NLRP1: variants seen among roughly 807,000 people sequenced by gnomAD.
NLRP1 encodes NACHT, LRR and PYD domains-containing protein 1.
In NLRP1, 94 loss-of-function variants were observed where a neutral mutation model predicts 136.7. The observed-to-expected ratio is 0.69, with a 90% CI of 0.58 to 0.82. The LOEUF (loss-of-function observed/expected upper bound fraction) is 0.82, where lower values mean the gene tolerates loss of function less well. Ranked by LOEUF, NLRP1 falls within the 40% of genes least tolerant of loss-of-function variation. The probability of loss-of-function intolerance (pLI) is 0.00; values close to 1 mark genes in which losing one functional copy is unlikely to be tolerated. For missense variants in NLRP1, 1,575 were observed against 1,802.7 expected, an observed-to-expected ratio of 0.87 and a Z score of 2.29; for synonymous variants, 690 against 725.1, an observed-to-expected ratio of 0.95 and a Z score of 0.78.
At chr17:5,522,818 G>A (rs571758799) in intron 12 of NLRP1, among the ~76,000 whole-genome samples, 1 of 152,296 alleles carries the variant, frequency 6.6e-6, no homozygotes, top group South Asian at 2.1e-4. Flanking sequence ...GAGTGATGCT[G>A]GAAGGTTTGA....
At position 5,532,783 on chromosome 17, in the gene NLRP1, G is replaced by A. The variant is rs201182584; in HGVS notation, c.3296+39C>T. The A allele has an allele frequency of 2.2e-3, 3,464 of 1,541,500 alleles. 11 individuals are homozygous for A. Among genetic ancestry groups the A allele is most frequent in the Non-Finnish European group, 2.8e-3 (3,221 of 1,145,328 alleles). ...GGACCCAGGATGGGCAGTGGGGTGC[G>A]GGAGGCCAGCCTGGGACCAGCAGAG... On this transcript the variant is annotated intron_variant, in intron 11 of 16. Transcript: ENST00000572272.
In NLRP1 at chr17:5,559,421, C is replaced by T. The variant is rs140451444; in HGVS notation, c.1275G>A (p.Glu425=). 1 of 1,614,150 alleles carries T rather than the reference C, an allele frequency of 6.2e-7. No homozygotes were observed. Among genetic ancestry groups the T allele is most frequent in the East Asian group, 2.2e-5 (1 of 44,886 alleles). ...GTGGCTGGCTCCAGTGCAGACAGAG[C>T]TCAGAACTCGGCTCCTGCAAGACCC... ...PGWVLQEPSS[E]LCLHWSQPQP... Residue 425 remains glutamate (E), a synonymous_variant, in exon 4 of 17, where the codon GAG becomes GAA. Transcript: ENST00000572272.
intron 3 of NLRP1, among the ~76,000 whole-genome samples, chr17:5,563,061 A>G (rs1370139569): frequency 6.6e-6 from 1 of 152,164 alleles, no homozygotes; most frequent in Non-Finnish European, 1.5e-5. Flanking sequence ...AACCCACCTT[A>G]TACGACAATC....
At chr17:5,528,386 G>T (rs1477298133) in intron 12 of NLRP1, among the ~76,000 whole-genome samples, 1 of 152,182 alleles carries the variant, frequency 6.6e-6, no homozygotes, top group African/African-American at 2.4e-5. Context: ...TTCCAGAGCT[G>T]TCTTGCACCT....
In NLRP1 at chr17:5,574,731, G is replaced by A. The variant is rs11655022; in HGVS notation, c.652+7128C>T. On this transcript the variant is annotated intron_variant, in intron 3 of 16. Coordinates refer to ENST00000572272, the MANE Select transcript of NLRP1 (RefSeq NM_033004.4). ...GGCTGGAGTGCAGTGGCATAACCTC[G>A]GCTCACTGCAAGCTCCGCCTCCCAG... is the stretch of plus-strand genomic sequence containing the variant. Among the ~76,000 whole-genome samples the A allele has an allele frequency of 9.9e-3, 1,464 of 148,110 alleles. 9 individuals carry two copies. Among genetic ancestry groups the A allele is most frequent in the Non-Finnish European group, 0.015 (979 of 67,448 alleles).
chr17:5,535,648 G>A (rs947185281), intron 8 of NLRP1, among the ~76,000 whole-genome samples: 1 of 152,228 alleles, frequency 6.6e-6, no homozygotes. Flanking sequence ...GTTCACTGCT[G>A]TGTCCTTAGA....
intron 8 of NLRP1, among the ~76,000 whole-genome samples, chr17:5,536,455 T>TC (rs1478686879): frequency 2.8e-5 from 4 of 142,744 alleles, no homozygotes; most frequent in African/African-American, 1.1e-4. Flanking sequence ...CTTTTTTTTT[T>TC]TTTTTTTTTT....
intron 3 of NLRP1, among the ~76,000 whole-genome samples, chr17:5,561,799 G>T (rs1914788901): frequency 6.6e-6 from 1 of 152,162 alleles, no homozygotes; most frequent in Admixed American, 6.5e-5. Flanking sequence ...TTTTGTTCAG[G>T]TTCCCCACTT....
intron 3 of NLRP1, among the ~76,000 whole-genome samples, chr17:5,575,982 C>T (rs541864353): frequency 5.2e-4 from 79 of 152,266 alleles, no homozygotes; most frequent in Middle Eastern, 3.4e-3. Context: ...CACTCAAAAC[C>T]GCTCAACTAC....
At chr17:5,531,663 C>T (rs920216864) in intron 11 of NLRP1, among the ~76,000 whole-genome samples, 6 of 152,096 alleles carry the variant, frequency 3.9e-5, no homozygotes, top group East Asian at 1.9e-4. Flanking sequence ...CTGGGAGTGA[C>T]GCTGTCTCCT....
rs1289681813 is a variant in NLRP1, at chr17:5,517,841, G to A, written c.3962C>T (p.Ser1321Leu). The A allele has an allele frequency of 6.2e-7, 1 of 1,614,112 alleles. No homozygotes were observed. Among genetic ancestry groups the A allele is most frequent in the Admixed American group, 1.7e-5 (1 of 60,020 alleles). Residue 1321 changes from serine (S) to leucine (L), a missense_variant, in exon 15 of 17, where the codon TCG (serine) becomes TTG (leucine). By Grantham distance (145) the Ser-to-Leu change is moderately radical. Transcript: ENST00000572272. ...YRSPGEDQLF[S>L]EFYVGHLGSG... ...TCCCAAGTGGCCAACGTAGAACTCC[G>A]AGAACAGCTGGTCTTCTCCAGGGCT...
intron 12 of NLRP1, among the ~76,000 whole-genome samples, chr17:5,522,362 C>T (rs1327516225): frequency 1.3e-5 from 2 of 152,174 alleles, no homozygotes; most frequent in African/African-American, 4.8e-5. Flanking sequence ...GGATTAGTGC[C>T]CTTACAAAAG....
chr17:5,510,070 C>CTTTTTT (rs749349135), downstream of NLRP1, among the ~76,000 whole-genome samples: 2 of 148,522 alleles, frequency 1.3e-5, no homozygotes, highest in Non-Finnish European at 1.5e-5. Context: ...TATTCTTCTT[C>CTTTTTT]TTCTTTTTTT....
chr17:5,550,194 G>A (rs1913163065), intron 5 of NLRP1, among the ~76,000 whole-genome samples: 1 of 151,928 alleles, frequency 6.6e-6, no homozygotes, highest in South Asian at 2.1e-4. Context: ...TTTGGTATCA[G>A]GGTAATATTG....
chr17:5,566,428 A>G (rs1915342479), intron 3 of NLRP1, among the ~76,000 whole-genome samples: 1 of 152,044 alleles, frequency 6.6e-6, no homozygotes, highest in Admixed American at 6.5e-5. Context: ...CCCACTGGTC[A>G]CTCAGGAGCA....
intron 3 of NLRP1, among the ~76,000 whole-genome samples, chr17:5,579,210 T>C (rs970548172): frequency 6.6e-5 from 10 of 150,420 alleles, no homozygotes; most frequent in Non-Finnish European, 1.5e-4. Flanking sequence ...TGCATACACA[T>C]GTAACAAACC....
In NLRP1 at chr17:5,559,978, T is replaced by C. The variant is rs1444214471; in HGVS notation, c.718A>G (p.Thr240Ala). Residue 240 changes from threonine (T) to alanine (A), a missense_variant, in exon 4 of 17, where the codon ACG becomes GCG. Thr to Ala is a moderately conservative substitution (Grantham distance 58). Coordinates refer to ENST00000572272, the MANE Select transcript of NLRP1 (RefSeq NM_033004.4). Reference protein sequence around the residue: ...GRPPWAAVVGTPPQAHTSLQP... With the variant: ...GRPPWAAVVGAPPQAHTSLQP... ...AGGCTGGTGTGCGCCTGTGGGGGCG[T>C]TCCTACCACCGCTGCCCATGGGGGC... 6.2e-7 allele frequency: 1 copy of C among 1,612,196 alleles called. No individual in the cohort carries two copies. The highest frequency in any genetic ancestry group is 1.7e-5 in the Admixed American group (1 of 59,730).
Position 5,541,730 on chromosome 17 carries a change from C to T in NLRP1, c.2699+127G>A. ...TTCCTCCTGAGCCTCTACTGCCTGG[C>T]TGAGATCCTGTAGGCTCCTCCCACT... On this transcript the variant is annotated intron_variant, in intron 6 of 16. Coordinates refer to ENST00000572272, the MANE Select transcript of NLRP1 (RefSeq NM_033004.4). This position sits in a 1 kb window ranked among gnomAD's most constrained non-coding sequence, Gnocchi z 4.2. The T allele has an allele frequency of 1.1e-6, 1 of 934,682 alleles. No individual in the cohort carries two copies. 57.9% of individuals were successfully genotyped at this position (934,682 alleles called of 1,614,324 possible).
intron 3 of NLRP1, among the ~76,000 whole-genome samples, chr17:5,577,864 A>C (rs962737740): frequency 2.6e-5 from 4 of 152,264 alleles, no homozygotes; most frequent in African/African-American, 9.6e-5. Flanking sequence ...AAACTATACT[A>C]CAAGGCTACA....
Sources: gnomAD v4.1 joint callset for allele counts (sites outside exome capture counted in the v4.1 genomes callset) on GRCh38, gnomAD v4.1.1 for gene constraint, Gnocchi (gnomAD v3.1) non-coding constraint, MANE v1.5 for transcripts, NCBI Gene and HGNC (gene_info 2026-07-23, HGNC 2026-07-21) for gene names.